The following PPM1E variants were observed in gnomAD, a reference collection of about 807,000 sequenced individuals.
PPM1E encodes protein phosphatase 1E.
In PPM1E, 20 loss-of-function variants were observed where a neutral mutation model predicts 65.9. The ratio of observed to expected loss-of-function variants is 0.30; its 90% confidence interval spans 0.21 to 0.44. The LOEUF is 0.44. Ranked by LOEUF, PPM1E falls within the 20% of genes least tolerant of loss-of-function variation. The probability of loss-of-function intolerance (pLI) is 1.00; values close to 1 mark genes in which losing one functional copy is unlikely to be tolerated. For missense variants in PPM1E, 713 were observed against 953.1 expected (o/e 0.75, Z 3.32); for synonymous variants, 352 against 374.9 (o/e 0.94, Z 0.70).
intron 1 of PPM1E, among the ~76,000 whole-genome samples, chr17:58,815,869 C>T (rs182190371): frequency 5.7e-4 from 86 of 152,056 alleles, no homozygotes; most frequent in African/African-American, 2.0e-3. Flanking sequence ...TAAAGGGTTT[C>T]CTATTTTCAT....
At chr17:58,799,594 C>T (rs752959059) in intron 1 of PPM1E, among the ~76,000 whole-genome samples, 9 of 152,168 alleles carry the variant, frequency 5.9e-5, no homozygotes, top group African/African-American at 1.2e-4. Flanking sequence ...AGGTGTGCAC[C>T]GCCACGCCTG....
rs2050065047 is a variant in PPM1E, at chr17:58,783,000, G to A, written c.464+26539G>A. ...AAAGTAGAATTAAAGTCCAATATAGGTGAAATTAAGAAAGTATCTTAACTA... is the reference window on the plus strand; with the variant it reads ...AAAGTAGAATTAAAGTCCAATATAGATGAAATTAAGAAAGTATCTTAACTA... On this transcript the variant is annotated intron_variant, in intron 1 of 6. Coordinates refer to ENST00000308249, the MANE Select transcript of PPM1E (RefSeq NM_014906.5). Among the ~76,000 whole-genome samples the A allele has an allele frequency of 2.0e-5, 3 of 152,038 alleles. No homozygotes were observed. In the South Asian group the frequency reaches 6.2e-4, roughly 32 times the overall value.
At chr17:58,850,106 G>C (rs1396815840) in intron 1 of PPM1E, among the ~76,000 whole-genome samples, 1 of 151,666 alleles carries the variant, frequency 6.6e-6, no homozygotes, top group East Asian at 1.9e-4. Context: ...TGCAACCCCT[G>C]CTTTTTTTTT....
At chr17:58,939,295 G>C (rs1368695251) in intron 1 of PPM1E, among the ~76,000 whole-genome samples, 1 of 152,130 alleles carries the variant, frequency 6.6e-6, no homozygotes, top group East Asian at 1.9e-4. Flanking sequence ...TTTTGAAATA[G>C]AATTGAGGAA....
intron 1 of PPM1E, among the ~76,000 whole-genome samples, chr17:58,933,881 G>A (rs537119200): frequency 2.2e-4 from 33 of 152,040 alleles, no homozygotes; most frequent in Non-Finnish European, 2.8e-4. Context: ...TGGATCATGA[G>A]GTCAGGAGTT....
chr17:58,821,941 C>G (rs951853186), intron 1 of PPM1E, among the ~76,000 whole-genome samples: 2 of 152,144 alleles, frequency 1.3e-5, no homozygotes, highest in African/African-American at 4.8e-5. Flanking sequence ...ACTAGCTTTT[C>G]TAATAACTAA....
intron 1 of PPM1E, among the ~76,000 whole-genome samples, chr17:58,775,637 G>A (rs1054707488): frequency 5.3e-5 from 8 of 151,900 alleles, no homozygotes; most frequent in East Asian, 3.8e-4. Context: ...AGTTGGGGCC[G>A]GGCGCAGTGG....
At chr17:58,930,280 C>CACACACACAG (rs2051877567) in intron 1 of PPM1E, among the ~76,000 whole-genome samples, 1 of 151,448 alleles carries the variant, frequency 6.6e-6, no homozygotes, top group Non-Finnish European at 1.5e-5. Context: ...CACACACACA[C>CACACACACAG]ACACAGACAC....
intron 1 of PPM1E, among the ~76,000 whole-genome samples, chr17:58,830,095 A>G (rs190619348): frequency 9.9e-5 from 15 of 152,198 alleles, no homozygotes; most frequent in Admixed American, 6.5e-4. Flanking sequence ...GGATCACTTG[A>G]GCCCAGGAGT....
intron 1 of PPM1E, among the ~76,000 whole-genome samples, chr17:58,946,625 G>A (rs938027363): frequency 6.6e-6 from 1 of 151,934 alleles, no homozygotes; most frequent in Non-Finnish European, 1.5e-5. Context: ...CAGCTATTTT[G>A]TTGTTGTTTG....
At chr17:58,792,903 G>A (rs559614252) in intron 1 of PPM1E, among the ~76,000 whole-genome samples, 13 of 150,868 alleles carry the variant, frequency 8.6e-5, no homozygotes, top group African/African-American at 3.2e-4. Context: ...ATAGGCACCC[G>A]CCACCACACC....
At chr17:58,909,782 G>A (rs949179261) in intron 1 of PPM1E, among the ~76,000 whole-genome samples, 1 of 151,394 alleles carries the variant, frequency 6.6e-6, no homozygotes, top group Admixed American at 6.6e-5. Flanking sequence ...CTAGGTACAG[G>A]GTTTTTGTTT....
At chr17:58,898,368 C>T (rs2051451466) in intron 1 of PPM1E, among the ~76,000 whole-genome samples, 1 of 152,008 alleles carries the variant, frequency 6.6e-6, no homozygotes, top group African/African-American at 2.4e-5. Flanking sequence ...AGACAGTTTT[C>T]AAAAGAAGAC....
In PPM1E at chr17:58,755,865, A is replaced by G. The variant is rs1368900067; in HGVS notation, c.-133A>G. 1 of 1,487,032 alleles carries G rather than the reference A, an allele frequency of 6.7e-7. No individual in the cohort carries two copies. Among genetic ancestry groups the G allele is most frequent in the South Asian group, 1.4e-5 (1 of 71,852 alleles). The allele number at this position is 1,487,032 out of a possible 1,614,324, so 92.1% of individuals were successfully genotyped here. ...CGCCTGCGGGAGCCCTCTCCAGGCAACCTAGTGCTGATCGCTCGTGCCGGT... is the reference window on the plus strand; with the variant it reads ...CGCCTGCGGGAGCCCTCTCCAGGCAGCCTAGTGCTGATCGCTCGTGCCGGT... On this transcript the variant is annotated 5_prime_UTR_variant, in exon 1 of 7. Transcript: ENST00000308249.
intron 1 of PPM1E, chr17:58,836,081 A>T (rs2050652908): frequency 6.6e-6 from 1 of 152,154 alleles, no homozygotes; most frequent in South Asian, 2.1e-4. Context: ...GCTAGGATTC[A>T]AACCCAGGTG....
rs189351697 is a variant in PPM1E, at chr17:58,946,501, G to A, written c.465-9148G>A. ...TTGAGACAGGGTCTCTCTGTCTCTC[G>A]GGCTGGAATATAACGATGATTATGG... On this transcript the variant is annotated intron_variant, in intron 1 of 6. Coordinates refer to ENST00000308249, the MANE Select transcript of PPM1E (RefSeq NM_014906.5). 5.1e-3 allele frequency among the ~76,000 whole-genome samples: 781 copies of A among 152,082 alleles called. 3 individuals carry two copies. Among genetic ancestry groups the A allele is most frequent in the African/African-American group, 0.017 (712 of 41,476 alleles).
chr17:58,841,226 A>T (rs747592353), intron 1 of PPM1E, among the ~76,000 whole-genome samples: 9 of 152,200 alleles, frequency 5.9e-5, no homozygotes, highest in Non-Finnish European at 1.3e-4. Context: ...TTATCTAGAT[A>T]CTTCATCCTG....
At chr17:58,862,892 T>A (rs1289351326) in intron 1 of PPM1E, among the ~76,000 whole-genome samples, 2 of 152,186 alleles carry the variant, frequency 1.3e-5, no homozygotes, top group African/African-American at 4.8e-5. Flanking sequence ...GTTTCCCAAT[T>A]TTCTTGTTCT....
chr17:58,938,834 G>A (rs1170909280), intron 1 of PPM1E, among the ~76,000 whole-genome samples: 1 of 147,026 alleles, frequency 6.8e-6, no homozygotes, highest in East Asian at 2.0e-4. Context: ...TGTTGCCTAG[G>A]CTGGAGTGCA....
Sources: allele counts gnomAD v4.1 joint callset (sites outside exome capture counted in the v4.1 genomes callset), GRCh38; gene constraint gnomAD v4.1.1; transcripts MANE v1.5; gene names NCBI Gene and HGNC (gene_info 2026-07-23, HGNC 2026-07-21).